The following CHTF8 variants were observed in gnomAD, a reference collection of about 807,000 sequenced individuals.
CHTF8 encodes the protein chromosome transmission fidelity protein 8 homolog.
A neutral mutation model predicts 11.0 loss-of-function variants in CHTF8; 6 were observed. The observed-to-expected ratio is 0.55, with a 90% confidence interval of 0.30 to 1.08. The LOEUF is 1.08. Among genes scored for constraint, CHTF8 ranks in the 50% least tolerant of loss-of-function variants. CHTF8 has a pLI of 0.07. For synonymous variants in CHTF8, 53 were observed against 60.5 expected (o/e 0.88, Z 0.57); for missense variants, 140 against 153.1 (o/e 0.91, Z 0.45).
At chr16:69,121,637 C>A (rs184518841) in intron 1 of CHTF8, 144 bp from the exon 2 acceptor site, 5 of 538,634 alleles carry the variant, frequency 9.3e-6, no homozygotes, top group Non-Finnish European at 1.7e-5. Flanking sequence ...ACCACTATGG[C>A]CAGCTAACTT....
At chr16:69,129,401 G>A (rs551039634) in intron 1 of CHTF8, among the ~76,000 whole-genome samples, 2 of 129,998 alleles carry the variant, frequency 1.5e-5, no homozygotes, top group Non-Finnish European at 3.1e-5. Flanking sequence ...CTGCACTCCA[G>A]CCTAGGCAAC....
At chr16:69,131,669 C>T (rs1046329241) in intron 1 of CHTF8, among the ~76,000 whole-genome samples, 2 of 148,812 alleles carry the variant, frequency 1.3e-5, no homozygotes, top group African/African-American at 2.5e-5. Context: ...CCCAGGGAAA[C>T]TATTCTTTAA....
chr16:69,129,822 G>A (rs1415104927), intron 1 of CHTF8, among the ~76,000 whole-genome samples: 1 of 152,180 alleles, frequency 6.6e-6, no homozygotes, highest in African/African-American at 2.4e-5. Context: ...AGTAACCTAT[G>A]GAAAGACCTT....
In CHTF8 at chr16:69,128,785, G is replaced by A. The variant is rs149031057; in HGVS notation, c.-36+3699C>T. ...TAGTAACTATTATTATAAAAAACCC[G>A]CCAGGCACGGTGGCTCACGTCTATA... On this transcript the variant is annotated intron_variant, in intron 1 of 3. Transcript: ENST00000448552. Among the ~76,000 whole-genome samples, 330 of 152,188 alleles carry A rather than the reference G, an allele frequency of 2.2e-3. 1 individual carries two copies. Among genetic ancestry groups the A allele is most frequent in the Non-Finnish European group, 3.6e-3 (245 of 68,022 alleles).
intron 1 of CHTF8, among the ~76,000 whole-genome samples, chr16:69,123,816 A>G (rs11641912): frequency 0.15 from 22,517 of 151,652 alleles, 1,775 homozygotes; most frequent in Middle Eastern, 0.25. Context: ...GGCCGGGAGC[A>G]GTAGCTCACG....
intron 1 of CHTF8, among the ~76,000 whole-genome samples, chr16:69,123,568 A>G (rs1038899645): frequency 2.0e-5 from 3 of 152,068 alleles, no homozygotes; most frequent in Admixed American, 1.3e-4. Context: ...GAGGTAAGAG[A>G]ATCACTTGAA....
At position 69,119,144 on chromosome 16, in the gene CHTF8, T is replaced by C. The variant is rs191141558; in HGVS notation, c.*1281A>G. The C allele has an allele frequency of 6.0e-5, 42 of 703,018 alleles. No individual in the cohort carries two copies. Among genetic ancestry groups the C allele is most frequent in the East Asian group, 5.9e-4 (22 of 37,288 alleles). The allele number at this position is 703,018 out of a possible 1,614,324, so 43.5% of individuals were successfully genotyped here. On this transcript the variant is annotated 3_prime_UTR_variant, in exon 4 of 4. Transcript: ENST00000448552. ...CCAGGGCCTAATGGGCCAGTAGACC[T>C]TGGGAAGGTAGTTGGACTTGGACCC...
rs1386990292 is a variant in CHTF8, at chr16:69,118,725, C to T, written c.*1700G>A. The stretch of plus-strand genomic sequence containing the variant: ...AGAAAAACGCAAAGGAAAAAGATGG[C>T]TCATTTGAACTTGAGCCCAAGCTAT... On this transcript the variant is annotated 3_prime_UTR_variant, in exon 4 of 4. Coordinates refer to ENST00000448552, the MANE Select transcript of CHTF8 (RefSeq NM_001039690.5). 4.7e-6 allele frequency: 3 copies of T among 641,740 alleles called. No homozygotes were observed. The highest frequency in any genetic ancestry group is 1.8e-5 in the South Asian group (1 of 55,058). The allele number at this position is 641,740 out of a possible 1,614,324, so 39.8% of individuals were successfully genotyped here.
At chr16:69,132,240 C>G (rs1962598720) in intron 1 of CHTF8, 1 of 148,892 alleles carries the variant, frequency 6.7e-6, no homozygotes, top group Admixed American at 6.7e-5. Context: ...TCCTGGCCCT[C>G]CCACCCCGGA....
Position 69,119,672 on chromosome 16 carries a change from C to A in CHTF8, c.*753G>T. 1 of 674,234 alleles carries A rather than the reference C, an allele frequency of 1.5e-6. No individual in the cohort carries two copies. The highest frequency in any genetic ancestry group is 1.6e-5 in the South Asian group (1 of 64,328). The allele number at this position is 674,234 out of a possible 1,614,324, so 41.8% of individuals were successfully genotyped here. A position where few individuals can be genotyped will look rare whatever the true frequency, so the allele number is the denominator to read the frequency against. On this transcript the variant is annotated 3_prime_UTR_variant, in exon 4 of 4. Transcript: ENST00000448552. ...GATCCTGTGCCCAAGAGGCCACCTG[C>A]TCTGGCATCTAGATTAGGGCCTGGG...
At chr16:69,124,703 G>A (rs1210800852) in intron 1 of CHTF8, among the ~76,000 whole-genome samples, 1 of 152,102 alleles carries the variant, frequency 6.6e-6, no homozygotes, top group African/African-American at 2.4e-5. Flanking sequence ...GTCTTACTAT[G>A]TTGCCCAGGT....
chr16:69,124,601 C>T (rs1056159402), intron 1 of CHTF8, among the ~76,000 whole-genome samples: 2 of 151,670 alleles, frequency 1.3e-5, no homozygotes, highest in Non-Finnish European at 2.9e-5. Context: ...TCTCGAACTT[C>T]TGACCTGAGG....
intron 1 of CHTF8, among the ~76,000 whole-genome samples, chr16:69,125,181 G>C (rs1961968967): frequency 1.3e-5 from 2 of 152,140 alleles, no homozygotes; most frequent in African/African-American, 4.8e-5. Flanking sequence ...TGAGATTACA[G>C]GCTTGAGTCA....
rs905104028 is a variant in CHTF8, at chr16:69,119,650, C to T, written c.*775G>A. The T allele has an allele frequency of 5.9e-6, 4 of 679,592 alleles. No homozygotes were observed. Among genetic ancestry groups the T allele is most frequent in the African/African-American group, 3.6e-5 (2 of 56,122 alleles). The allele number at this position is 679,592 out of a possible 1,614,324, so 42.1% of individuals were successfully genotyped here. ...AGCCATTCTTAAGTTAAGACCAGATCCTGTGCCCAAGAGGCCACCTGCTCT... is the reference window on the plus strand; with the variant it reads ...AGCCATTCTTAAGTTAAGACCAGATTCTGTGCCCAAGAGGCCACCTGCTCT... On this transcript the variant is annotated 3_prime_UTR_variant, in exon 4 of 4. Coordinates refer to ENST00000448552, the MANE Select transcript of CHTF8 (RefSeq NM_001039690.5).
chr16:69,127,055 T>C (rs112147266), intron 1 of CHTF8, among the ~76,000 whole-genome samples: 9,710 of 152,068 alleles, frequency 0.064, 387 homozygotes, highest in African/African-American at 0.097. Context: ...GAGGCCAACA[T>C]AGTGAAACCC....
At chr16:69,125,552 T>C (rs184565545) in intron 1 of CHTF8, among the ~76,000 whole-genome samples, 1 of 152,248 alleles carries the variant, frequency 6.6e-6, no homozygotes, top group East Asian at 1.9e-4. Context: ...ATGGAGTATA[T>C]GCAATAGCTG....
At position 69,119,798 on chromosome 16, in the gene CHTF8, G is replaced by A. The variant is rs185866245; in HGVS notation, c.*627C>T. 1.4e-6 allele frequency: 1 copy of A among 700,658 alleles called. No individual in the cohort carries two copies. Among genetic ancestry groups the A allele is most frequent in the East Asian group, 2.7e-5 (1 of 37,196 alleles). The allele number at this position is 700,658 out of a possible 1,614,324, so 43.4% of individuals were successfully genotyped here. A position where few individuals can be genotyped will look rare whatever the true frequency, so the allele number is the denominator to read the frequency against. ...CCTAAAAAGCCTGATCTCAGATTGG[G>A]GTTTGGTCCTGGGCCCAGGCCAACT... On this transcript the variant is annotated 3_prime_UTR_variant, in exon 4 of 4. Transcript: ENST00000448552.
Position 69,121,464 on chromosome 16 carries a change from T to C in CHTF8, c.-6A>G. On this transcript the variant is annotated 5_prime_UTR_variant, in exon 2 of 4. Coordinates refer to ENST00000448552, the MANE Select transcript of CHTF8 (RefSeq NM_001039690.5). ...GAAATAACAATTTGCACCATGAGCT[T>C]TCTGTCTTTAAAAAGCAAGTGAAAA... The C allele has an allele frequency of 6.9e-6, 11 of 1,600,224 alleles. No individual in the cohort carries two copies. The highest frequency in any genetic ancestry group is 9.4e-6 in the Non-Finnish European group (11 of 1,176,378).
At position 69,120,419 on chromosome 16, in the gene CHTF8, GTTCT is replaced by G; in HGVS notation, c.*2_*5del. The G allele has an allele frequency of 6.2e-7, 1 of 1,614,076 alleles. No individual in the cohort carries two copies. Among genetic ancestry groups the G allele is most frequent in the Non-Finnish European group, 8.5e-7 (1 of 1,179,952 alleles). On this transcript the variant is annotated 3_prime_UTR_variant, in exon 4 of 4. Coordinates refer to ENST00000448552, the MANE Select transcript of CHTF8 (RefSeq NM_001039690.5). The surrounding 1 kb of genome is among the most constrained non-coding windows in gnomAD (Gnocchi z 4.0). ...GGCCGCTCTCTAGGGAAAATCCGAG[GTTCT>G]TTCATACTTTCTTGGGGACGCTGGT... is the stretch of plus-strand genomic sequence containing the variant.
Sources: gnomAD v4.1 joint callset for allele counts (sites outside exome capture counted in the v4.1 genomes callset) on GRCh38, gnomAD v4.1.1 for gene constraint, Gnocchi (gnomAD v3.1) non-coding constraint, MANE v1.5 for transcripts, NCBI Gene and HGNC (gene_info 2026-07-23, HGNC 2026-07-21) for gene names.